Variants in GABRB1 observed in about 807,000 individuals in gnomAD.
GABRB1 encodes gamma-aminobutyric acid receptor subunit beta-1.
Under a neutral mutation model 51.6 loss-of-function variants are expected in GABRB1, and 17 were observed. The observed-to-expected ratio is 0.33, with a 90% CI of 0.23 to 0.49. GABRB1 has a LOEUF of 0.49. Ranked by LOEUF, GABRB1 falls within the 20% of genes least tolerant of loss-of-function variation. GABRB1 has a pLI of 0.99. For missense variants in GABRB1, 410 were observed against 600.6 expected (o/e 0.68, Z 3.32); for synonymous variants, 247 against 218.9 (o/e 1.13, Z -1.14).
intron 5 of GABRB1, among the ~76,000 whole-genome samples, chr4:47,373,488 G>A (rs906517566): frequency 5.9e-5 from 9 of 152,162 alleles, no homozygotes; most frequent in Non-Finnish European, 1.3e-4. Context: ...ACTCAGAAGA[G>A]CAATACATCT....
At chr4:47,252,271 AC>A (rs1458012377) in intron 4 of GABRB1, among the ~76,000 whole-genome samples, 1 of 151,916 alleles carries the variant, frequency 6.6e-6, no homozygotes, top group African/African-American at 2.4e-5. Flanking sequence ...AACTTCTCCC[AC>A]AAACAGACTT....
At chr4:47,148,017 A>C (rs370698410) in intron 3 of GABRB1, among the ~76,000 whole-genome samples, 2 of 152,214 alleles carry the variant, frequency 1.3e-5, no homozygotes, top group East Asian at 3.9e-4. Context: ...TTTACCTGCC[A>C]TATAACAAAT....
intron 8 of GABRB1, among the ~76,000 whole-genome samples, chr4:47,410,017 G>C (rs1451914918): frequency 1.3e-5 from 2 of 152,216 alleles, no homozygotes; most frequent in Non-Finnish European, 2.9e-5. Context: ...GGCTGTTTGA[G>C]TAACATTGGG....
At chr4:47,229,021 T>G (rs372591749) in intron 4 of GABRB1, among the ~76,000 whole-genome samples, 2 of 152,276 alleles carry the variant, frequency 1.3e-5, no homozygotes, top group East Asian at 1.9e-4. Flanking sequence ...GCATTGGGTA[T>G]TCTGTATGTC....
intron 1 of GABRB1, among the ~76,000 whole-genome samples, chr4:46,995,465 C>A (rs1243548704): frequency 6.6e-6 from 1 of 152,120 alleles, no homozygotes; most frequent in African/African-American, 2.4e-5. Context: ...CTCAAGCAAT[C>A]CTTCTACCTC....
chr4:47,045,408 A>G (rs1726036689), intron 3 of GABRB1, among the ~76,000 whole-genome samples: 2 of 151,816 alleles, frequency 1.3e-5, no homozygotes, highest in Non-Finnish European at 2.9e-5. Flanking sequence ...ACTTGGGGAA[A>G]AAACTGGTCA....
At chr4:47,290,275 T>C (rs561911194) in intron 4 of GABRB1, among the ~76,000 whole-genome samples, 1 of 152,322 alleles carries the variant, frequency 6.6e-6, no homozygotes, top group African/African-American at 2.4e-5. Flanking sequence ...TGAGATCTGA[T>C]GGTTATTGTA....
At chr4:47,351,167 G>T (rs913794319) in intron 5 of GABRB1, among the ~76,000 whole-genome samples, 2 of 152,264 alleles carry the variant, frequency 1.3e-5, no homozygotes, top group Non-Finnish European at 1.5e-5. Flanking sequence ...GGGTGAAAAA[G>T]AATCACATCT....
intron 3 of GABRB1, among the ~76,000 whole-genome samples, chr4:47,053,136 CA>C (rs1409423157): frequency 3.3e-5 from 5 of 152,166 alleles, no homozygotes; most frequent in Non-Finnish European, 5.9e-5. Flanking sequence ...GTCATTGCTA[CA>C]AATGTGTTAC....
In GABRB1 at chr4:47,424,201, C is replaced by G. The variant is rs368752670; in HGVS notation, c.1081-1473C>G. Among the ~76,000 whole-genome samples, 9 of 152,272 alleles carry G rather than the reference C, an allele frequency of 5.9e-5. No individual in the cohort carries two copies. The South Asian group carries it at 1.9e-3, about 32-fold the overall frequency. On this transcript the variant is annotated intron_variant, in intron 8 of 8. Transcript: ENST00000295454. ...AACAAAGTGTAACAAAGGCCAGGGA[C>G]TGTGATGTGGTCCTCCAAGTAGAAA...
At chr4:47,396,903 T>C (rs1158000630) in intron 5 of GABRB1, among the ~76,000 whole-genome samples, 1 of 152,228 alleles carries the variant, frequency 6.6e-6, no homozygotes, top group Non-Finnish European at 1.5e-5. Flanking sequence ...TAATTTTAAT[T>C]TGAGTTTCTC....
At chr4:47,160,087 A>T (rs1235256750) in intron 3 of GABRB1, among the ~76,000 whole-genome samples, 5 of 152,088 alleles carry the variant, frequency 3.3e-5, no homozygotes, top group Non-Finnish European at 7.4e-5. Context: ...AAGTGCTAAG[A>T]TTATTATTTG....
intron 3 of GABRB1, among the ~76,000 whole-genome samples, chr4:47,056,985 A>G (rs949535109): frequency 1.1e-4 from 17 of 152,116 alleles, no homozygotes; most frequent in Admixed American, 1.0e-3. Context: ...ATGCCCCTGT[A>G]ATCCCAGCTA....
chr4:47,393,188 A>G (rs754877877), intron 5 of GABRB1, among the ~76,000 whole-genome samples: 1 of 152,166 alleles, frequency 6.6e-6, no homozygotes, highest in African/African-American at 2.4e-5. Context: ...GATTGTGGCA[A>G]TCGGTCCCTT....
chr4:47,001,617 T>A (rs1724221166), intron 1 of GABRB1, among the ~76,000 whole-genome samples: 1 of 152,332 alleles, frequency 6.6e-6, no homozygotes, highest in African/African-American at 2.4e-5. Flanking sequence ...TGCCAGCAGA[T>A]GGACTTCAGA....
At chr4:47,019,625 C>CTCTCTCTCTCTCTCTTTCTT (rs1274221477) in intron 1 of GABRB1, among the ~76,000 whole-genome samples, 158 of 91,100 alleles carry the variant, frequency 1.7e-3, no homozygotes, top group Admixed American at 1.9e-3. Context: ...TTCTTTCTCT[C>CTCTCTCTCTCTCTCTTTCTT]TCTTTCTTTC....
At chr4:47,096,509 T>A (rs1714442054) in intron 3 of GABRB1, among the ~76,000 whole-genome samples, 1 of 152,152 alleles carries the variant, frequency 6.6e-6, no homozygotes, top group South Asian at 2.1e-4. Flanking sequence ...CCTGCAGAGA[T>A]GTTCATGCCC....
At chr4:47,201,738 C>G (rs1055511044) in intron 4 of GABRB1, among the ~76,000 whole-genome samples, 2 of 151,794 alleles carry the variant, frequency 1.3e-5, no homozygotes, top group Non-Finnish European at 2.9e-5. Flanking sequence ...TTGTGAAAAG[C>G]GAAGATAGTC....
intron 5 of GABRB1, among the ~76,000 whole-genome samples, chr4:47,401,678 G>A (rs1192522624): frequency 1.3e-5 from 2 of 152,192 alleles, no homozygotes; most frequent in African/African-American, 4.8e-5. Context: ...GAATTGGAAA[G>A]GAAGGAATCT....
Sources: gnomAD v4.1 joint callset for allele counts (sites outside exome capture counted in the v4.1 genomes callset) on GRCh38, gnomAD v4.1.1 for gene constraint, MANE v1.5 for transcripts, NCBI Gene and HGNC (gene_info 2026-07-23, HGNC 2026-07-21) for gene names.